RGS8: variants seen among roughly 807,000 people sequenced by gnomAD.
The protein encoded by RGS8 is regulator of G protein signaling 8.
Under a neutral mutation model 21.7 loss-of-function variants are expected in RGS8, and 8 were observed. That is an observed-to-expected ratio of 0.37 (90% CI 0.22 to 0.66). The LOEUF (loss-of-function observed/expected upper bound fraction) is 0.66, where lower values mean the gene tolerates loss of function less well. RGS8 is among the 30% of genes least tolerant of loss of function. RGS8 has a pLI of 0.59. For synonymous variants in RGS8, 80 were observed against 83.6 expected (o/e 0.96, Z 0.24); for missense variants, 157 against 217.9 (o/e 0.72, Z 1.76).
chr1:182,692,816 A>G, the RGS8 span, among the ~76,000 whole-genome samples: 1 of 152,210 alleles, frequency 6.6e-6, no homozygotes, highest in South Asian at 2.1e-4. Context: ...GAACCCAGAA[A>G]TAAAGCTGCA....
At chr1:182,684,651 G>C (rs752135942), upstream of RGS8, 1 of 152,360 alleles carries the variant, frequency 6.6e-6, no homozygotes, top group East Asian at 1.9e-4. This position sits in a 1 kb window ranked among gnomAD's most constrained non-coding sequence, Gnocchi z 4.2. Flanking sequence ...CAGATGATGC[G>C]CACTGCCACG....
chr1:182,717,175 A>T, the RGS8 span, among the ~76,000 whole-genome samples: 2 of 152,206 alleles, frequency 1.3e-5, no homozygotes, highest in African/African-American at 2.4e-5. Context: ...TGCCTGGTAC[A>T]TTTTTATGCA....
chr1:182,647,446 C>A (rs1180954728), intron 6 of RGS8, among the ~76,000 whole-genome samples: 1 of 152,194 alleles, frequency 6.6e-6, no homozygotes, highest in African/African-American at 2.4e-5. Context: ...TCTCGCATCC[C>A]AAGTCAAAGC....
chr1:182,666,019 T>G (rs752227336), exon 5 of RGS8: 1 of 1,613,852 alleles, frequency 6.2e-7, no homozygotes, highest in East Asian at 2.2e-5. Context: ...CGTAGCTTCT[T>G]CTGTCGATAA....
At chr1:182,722,099 C>T in the RGS8 span, among the ~76,000 whole-genome samples, 3 of 151,684 alleles carry the variant, frequency 2.0e-5, no homozygotes, top group Non-Finnish European at 2.9e-5. Context: ...TAACTTGGGA[C>T]GTATTATATC....
chr1:182,687,296 G>A (rs1321303462), upstream of RGS8, among the ~76,000 whole-genome samples: 2 of 152,178 alleles, frequency 1.3e-5, no homozygotes, highest in East Asian at 3.8e-4. Context: ...TTGGGCCTCA[G>A]CCTCTGAAGA....
upstream of RGS8, among the ~76,000 whole-genome samples, chr1:182,675,760 T>C (rs918531029): frequency 6.6e-6 from 1 of 152,078 alleles, no homozygotes; most frequent in Admixed American, 6.6e-5. Flanking sequence ...ACCCCCTCCA[T>C]CCCAATAGCA....
chr1:182,741,483 C>T, the RGS8 span, among the ~76,000 whole-genome samples: 17 of 138,990 alleles, frequency 1.2e-4, no homozygotes, highest in Non-Finnish European at 2.2e-4. Flanking sequence ...GACCGGGCGG[C>T]TGGCCGGGCG....
chr1:182,663,382 C>T (rs7543223), intron 5 of RGS8, among the ~76,000 whole-genome samples: 3,363 of 152,166 alleles, frequency 0.022, 120 homozygotes, highest in African/African-American at 0.074. Context: ...CCTTTCTTTT[C>T]GAAGACATTC....
At chr1:182,713,931 A>G in the RGS8 span, among the ~76,000 whole-genome samples, 1 of 152,270 alleles carries the variant, frequency 6.6e-6, no homozygotes, top group Admixed American at 6.5e-5. Context: ...GTAGAAGTAC[A>G]CATTATCATG....
chr1:182,661,826 A>C (rs1663606154), intron 5 of RGS8, among the ~76,000 whole-genome samples: 1 of 151,824 alleles, frequency 6.6e-6, no homozygotes, highest in South Asian at 2.1e-4. Context: ...ACACACACAC[A>C]CACACACACA....
chr1:182,713,020 G>A, the RGS8 span: 1 of 152,276 alleles, frequency 6.6e-6, no homozygotes, highest in East Asian at 1.9e-4. Flanking sequence ...GGTCAAGTCA[G>A]CCAAAGTGGT....
the RGS8 span, among the ~76,000 whole-genome samples, chr1:182,736,263 T>G: frequency 2.0e-5 from 3 of 152,334 alleles, no homozygotes; most frequent in African/African-American, 7.2e-5. Context: ...AATACTGGAT[T>G]AAGGAACTGT....
chr1:182,736,513 A>G, the RGS8 span, among the ~76,000 whole-genome samples: 2 of 152,104 alleles, frequency 1.3e-5, no homozygotes, highest in Admixed American at 6.5e-5. Flanking sequence ...ATTTTTACCA[A>G]ATTTTTGGGG....
the RGS8 span, among the ~76,000 whole-genome samples, chr1:182,718,118 G>C: frequency 6.6e-6 from 1 of 152,142 alleles, no homozygotes; most frequent in Non-Finnish European, 1.5e-5. Flanking sequence ...CTCACATCGT[G>C]GGGGCCAAAG....
At chr1:182,746,171 A>T in the RGS8 span, among the ~76,000 whole-genome samples, 1 of 152,118 alleles carries the variant, frequency 6.6e-6, no homozygotes, top group East Asian at 1.9e-4. Context: ...TCTCCAAAAT[A>T]CTGCCACCCC....
the RGS8 span, among the ~76,000 whole-genome samples, chr1:182,715,718 T>C: frequency 6.6e-6 from 1 of 152,122 alleles, no homozygotes; most frequent in African/African-American, 2.4e-5. Context: ...CTGCCAGCAA[T>C]GGGGAGGGAG....
chr1:182,690,109 C>G, the RGS8 span, among the ~76,000 whole-genome samples: 2 of 152,142 alleles, frequency 1.3e-5, no homozygotes, highest in Non-Finnish European at 2.9e-5. Flanking sequence ...CCTCTCTATG[C>G]CACAGGGTCT....
downstream of RGS8, chr1:182,643,333 C>CCCCCCCCCCCCCG (rs1320966882): frequency 5.5e-5 from 7 of 126,354 alleles, no homozygotes; most frequent in African/African-American, 7.3e-5. Context: ...GCCCCCCCGC[C>CCCCCCCCCCCCCG]CCCGCGCTGT....
Sources: gnomAD v4.1 joint callset for allele counts (sites outside exome capture counted in the v4.1 genomes callset) on GRCh38, gnomAD v4.1.1 for gene constraint, Gnocchi (gnomAD v3.1) non-coding constraint, MANE v1.5 for transcripts, NCBI Gene and HGNC (gene_info 2026-07-23, HGNC 2026-07-21) for gene names.